TAFA1: variants seen among roughly 807,000 people sequenced by gnomAD.
The protein encoded by TAFA1 is TAFA chemokine like family member 1.
Under a neutral mutation model 18.5 loss-of-function variants are expected in TAFA1, and 4 were observed. The observed-to-expected ratio is 0.22, with a 90% CI of 0.11 to 0.49. The LOEUF is 0.49. Among genes scored for constraint, TAFA1 ranks in the 20% least tolerant of loss-of-function variants. The pLI is 0.98. For synonymous variants in TAFA1, 56 were observed against 55.2 expected, an observed-to-expected ratio of 1.01 and a Z score of -0.06; for missense variants, 147 against 169.0, an observed-to-expected ratio of 0.87 and a Z score of 0.72.
intron 2 of TAFA1, among the ~76,000 whole-genome samples, chr3:68,204,303 T>C (rs1484031606): frequency 6.6e-6 from 1 of 151,836 alleles, no homozygotes; most frequent in Non-Finnish European, 1.5e-5. Flanking sequence ...ATTTCTACTC[T>C]CCTTTGGGCT....
At chr3:68,405,832 G>A (rs560720535) in intron 2 of TAFA1, among the ~76,000 whole-genome samples, 49 of 148,430 alleles carry the variant, frequency 3.3e-4, no homozygotes, top group African/African-American at 1.1e-3. Context: ...TTGCAACCTG[G>A]AACCTAAAAG....
intron 2 of TAFA1, among the ~76,000 whole-genome samples, chr3:68,017,262 A>G (rs1704589550): frequency 6.6e-6 from 1 of 152,188 alleles, no homozygotes; most frequent in Non-Finnish European, 1.5e-5. Flanking sequence ...GCAAGATGCC[A>G]CCTACTGGAC....
chr3:68,066,940 G>C (rs1299558839), intron 2 of TAFA1, among the ~76,000 whole-genome samples: 1 of 152,042 alleles, frequency 6.6e-6, no homozygotes, highest in East Asian at 1.9e-4. Context: ...AGGCACAGGG[G>C]TTTTTAGGGG....
intron 3 of TAFA1, among the ~76,000 whole-genome samples, chr3:68,441,037 T>C (rs2071368357): frequency 1.3e-5 from 2 of 152,192 alleles, no homozygotes; most frequent in Non-Finnish European, 2.9e-5. Context: ...GTGTTGGGTC[T>C]GTCGAGATAT....
At chr3:68,026,246 G>A (rs1704812966) in intron 2 of TAFA1, among the ~76,000 whole-genome samples, 1 of 151,966 alleles carries the variant, frequency 6.6e-6, no homozygotes, top group Non-Finnish European at 1.5e-5. Flanking sequence ...TTGGCCCACA[G>A]ACGAATCCTT....
intron 2 of TAFA1, among the ~76,000 whole-genome samples, chr3:68,100,829 G>T (rs2065139315): frequency 6.6e-6 from 1 of 152,134 alleles, no homozygotes; most frequent in African/African-American, 2.4e-5. Context: ...ATGTAGGAAA[G>T]ATACCCATTA....
chr3:68,187,759 A>G (rs1178649092), intron 2 of TAFA1, among the ~76,000 whole-genome samples: 6 of 151,992 alleles, frequency 3.9e-5, no homozygotes, highest in Non-Finnish European at 7.4e-5. Context: ...AACACATTAC[A>G]CAGCTTATAC....
chr3:68,118,224 C>T (rs1442884478), intron 2 of TAFA1, among the ~76,000 whole-genome samples: 1 of 152,122 alleles, frequency 6.6e-6, no homozygotes, highest in Non-Finnish European at 1.5e-5. Flanking sequence ...TGATGAAAGA[C>T]AGGGACAGAT....
At chr3:68,067,779 CAACA>C (rs2064699524) in intron 2 of TAFA1, among the ~76,000 whole-genome samples, 4 of 151,826 alleles carry the variant, frequency 2.6e-5, no homozygotes, top group Admixed American at 1.3e-4. Flanking sequence ...TCCTTCAATT[CAACA>C]AACATTTACT....
intron 2 of TAFA1, among the ~76,000 whole-genome samples, chr3:68,313,312 CT>C (rs1331911560): frequency 1.3e-5 from 2 of 152,192 alleles, no homozygotes; most frequent in Admixed American, 6.5e-5. Flanking sequence ...TAAAACCTAT[CT>C]ATTTAAACTC....
intron 2 of TAFA1, among the ~76,000 whole-genome samples, chr3:68,054,705 C>G (rs148441919): frequency 6.6e-6 from 1 of 152,312 alleles, no homozygotes; most frequent in Non-Finnish European, 1.5e-5. Flanking sequence ...CCTGCAAGGC[C>G]TAAACTGTTT....
intron 2 of TAFA1, among the ~76,000 whole-genome samples, chr3:68,301,680 A>G (rs1260841314): frequency 2.0e-5 from 3 of 152,264 alleles, no homozygotes; most frequent in East Asian, 1.9e-4. Context: ...CATCTGAACT[A>G]TTTAAGATAA....
rs1390389669 is a variant in TAFA1, at chr3:68,346,111, G to A, written c.119-71169G>A. 2.6e-5 allele frequency among the ~76,000 whole-genome samples: 4 copies of A among 152,058 alleles called. No individual in the cohort carries two copies. In the East Asian group the frequency reaches 7.7e-4, roughly 29 times the overall value. ...AAATATTTAGAAGTACTAGAGGGAT[G>A]GGCAGCCTACTCAGATGGAATTAAG... On this transcript the variant is annotated intron_variant, in intron 2 of 4. Coordinates refer to ENST00000478136, the MANE Select transcript of TAFA1 (RefSeq NM_213609.4).
intron 2 of TAFA1, among the ~76,000 whole-genome samples, chr3:68,334,715 G>T (rs570561659): frequency 6.6e-6 from 1 of 152,126 alleles, no homozygotes; most frequent in South Asian, 2.1e-4. Context: ...TTTGACACTC[G>T]TGCTATATGT....
In TAFA1 at chr3:68,275,095, G is replaced by T. The variant is rs1190411838; in HGVS notation, c.119-142185G>T. Among the ~76,000 whole-genome samples the T allele has an allele frequency of 2.6e-5, 4 of 151,582 alleles. No homozygotes were observed. In the South Asian group the frequency reaches 6.3e-4, roughly 24 times the overall value. ...AAGTTTGCAGGATAAAGTTAATTGA[G>T]ATATATATATATTAATATGTATTTG... On this transcript the variant is annotated intron_variant, in intron 2 of 4. Transcript: ENST00000478136.
chr3:68,451,916 C>T (rs1192421216), intron 3 of TAFA1, among the ~76,000 whole-genome samples: 2 of 152,138 alleles, frequency 1.3e-5, no homozygotes, highest in Non-Finnish European at 2.9e-5. Flanking sequence ...TTTAATGTGA[C>T]AAGCAAGTTT....
At chr3:68,212,043 T>C (rs1004213820) in intron 2 of TAFA1, among the ~76,000 whole-genome samples, 5 of 151,784 alleles carry the variant, frequency 3.3e-5, no homozygotes, top group Non-Finnish European at 7.4e-5. Context: ...GATAAAAGCA[T>C]TGAGATGGAA....
intron 2 of TAFA1, among the ~76,000 whole-genome samples, chr3:68,036,436 C>CA (rs10566431): frequency 0.047 from 4,663 of 98,418 alleles, 180 homozygotes; most frequent in African/African-American, 0.096. Flanking sequence ...GAGACTCTGT[C>CA]AAAAAAAAAA....
chr3:68,258,248 C>T (rs1375576273), intron 2 of TAFA1, among the ~76,000 whole-genome samples: 2 of 152,122 alleles, frequency 1.3e-5, no homozygotes, highest in Admixed American at 6.5e-5. Flanking sequence ...GTAGTATCTT[C>T]GCAACTTTCT....
Sources: allele counts gnomAD v4.1 joint callset (sites outside exome capture counted in the v4.1 genomes callset), GRCh38; gene constraint gnomAD v4.1.1; transcripts MANE v1.5; gene names NCBI Gene and HGNC (gene_info 2026-07-23, HGNC 2026-07-21).